Variants in MARCHF1 observed in about 807,000 individuals in gnomAD.
MARCHF1 encodes the protein E3 ubiquitin-protein ligase MARCHF1.
In MARCHF1, 40 loss-of-function variants were observed where a neutral mutation model predicts 54.2. That is an observed-to-expected ratio of 0.74 (90% CI 0.57 to 0.96). The LOEUF is 0.96. Ranked by LOEUF, MARCHF1 falls within the 40% of genes least tolerant of loss-of-function variation. The probability of loss-of-function intolerance (pLI) is 0.00; values close to 1 mark genes in which losing one functional copy is unlikely to be tolerated. For missense variants in MARCHF1, 586 were observed against 656.5 expected, an observed-to-expected ratio of 0.89 and a Z score of 1.17; for synonymous variants, 236 against 236.3, an observed-to-expected ratio of 1.00 and a Z score of 0.01.
intron 1 of MARCHF1, among the ~76,000 whole-genome samples, chr4:164,240,376 C>A (rs1732702285): frequency 6.6e-6 from 1 of 152,182 alleles, no homozygotes; most frequent in Admixed American, 6.5e-5. Context: ...TTGCTTTCTG[C>A]AATGTATATT....
At position 164,110,099 on chromosome 4, in the gene MARCHF1, T is replaced by A. The variant is rs556151217; in HGVS notation, c.-248+1489A>T. On this transcript the variant is annotated intron_variant, in intron 2 of 9. Coordinates refer to ENST00000514618, the MANE Select transcript of MARCHF1 (RefSeq NM_001394959.1). The stretch of plus-strand genomic sequence containing the variant: ...TAATGTTGTTGTTATTTGAAAATTT[T>A]AAAAAACCCATTGGAATTGGAGATA... Among the ~76,000 whole-genome samples, 8 of 136,782 alleles carry A rather than the reference T, an allele frequency of 5.8e-5. No individual in the cohort carries two copies. In the Admixed American group the frequency reaches 6.3e-4, roughly 11 times the overall value. 89.7% of individuals were successfully genotyped at this position (136,782 alleles called of 152,430 possible).
intron 1 of MARCHF1, among the ~76,000 whole-genome samples, chr4:164,184,722 T>C (rs1730923157): frequency 1.3e-5 from 2 of 152,162 alleles, no homozygotes; most frequent in South Asian, 4.1e-4. Flanking sequence ...GACCTGACCA[T>C]TTGAGATACA....
rs28798150 is a variant in MARCHF1 at position 163,574,795 on chromosome 4, C to T, written c.1191+10954G>A. Among the ~76,000 whole-genome samples, 839 of 151,906 alleles carry T rather than the reference C, an allele frequency of 5.5e-3. 11 individuals carry two copies. The highest frequency in any genetic ancestry group is 0.018 in the African/African-American group (749 of 41,404). On this transcript the variant is annotated intron_variant, in intron 8 of 9. Coordinates refer to ENST00000514618, the MANE Select transcript of MARCHF1 (RefSeq NM_001394959.1). ...TTGGCTTAGGATTGACTTGGCGATG[C>T]GGGCTCTTTTTTGGTTCCATATGAA... is the stretch of plus-strand genomic sequence containing the variant.
chr4:164,070,046 T>C (rs1754829419), intron 2 of MARCHF1, among the ~76,000 whole-genome samples: 1 of 152,138 alleles, frequency 6.6e-6, no homozygotes, highest in African/African-American at 2.4e-5. Flanking sequence ...TTCTAATTTT[T>C]AAATGGGAGC....
At chr4:164,193,585 A>T (rs1731179267) in intron 1 of MARCHF1, among the ~76,000 whole-genome samples, 1 of 152,048 alleles carries the variant, frequency 6.6e-6, no homozygotes. Context: ...AATACATTTC[A>T]TGTGTCAATG....
chr4:164,044,157 G>A (rs1221980366), intron 2 of MARCHF1, among the ~76,000 whole-genome samples: 7 of 152,118 alleles, frequency 4.6e-5, no homozygotes, highest in East Asian at 1.9e-4. Context: ...TTGCAAAGTC[G>A]CTTTCACATT....
chr4:163,914,459 T>A (rs2111344413), intron 3 of MARCHF1, among the ~76,000 whole-genome samples: 1 of 152,168 alleles, frequency 6.6e-6, no homozygotes, highest in Admixed American at 6.5e-5. Context: ...TTCAATAAAC[T>A]AGGAGCAAGT....
intron 7 of MARCHF1, among the ~76,000 whole-genome samples, chr4:163,603,215 ATAATTT>A (rs1741029525): frequency 6.6e-6 from 1 of 152,286 alleles, no homozygotes; most frequent in East Asian, 1.9e-4. Context: ...TCACTAAAAT[ATAATTT>A]TACTCAAAAA....
chr4:163,636,940 T>C lies in MARCHF1; in HGVS notation c.163-23547A>G, dbSNP rs530253729. On this transcript the variant is annotated intron_variant, in intron 5 of 9. Coordinates refer to ENST00000514618, the MANE Select transcript of MARCHF1 (RefSeq NM_001394959.1). ...AGGACAGAGCCCTCAGAAATAACGC[T>C]GCATATCTACAACTATCTGATCTTT... Among the ~76,000 whole-genome samples the C allele has an allele frequency of 7.6e-3, 1,153 of 152,118 alleles. 13 individuals are homozygous for C. Among genetic ancestry groups the C allele is most frequent in the African/African-American group, 0.027 (1,099 of 41,464 alleles).
chr4:163,808,251 A>G (rs1748282423), intron 4 of MARCHF1, among the ~76,000 whole-genome samples: 2 of 152,180 alleles, frequency 1.3e-5, no homozygotes, highest in South Asian at 4.1e-4. Context: ...GCTGTCTGGA[A>G]TGTCCGTTCT....
chr4:163,576,633 G>T (rs1020749236), intron 8 of MARCHF1, among the ~76,000 whole-genome samples: 12 of 152,090 alleles, frequency 7.9e-5, no homozygotes, highest in Admixed American at 6.5e-5. Flanking sequence ...TGTTGTCAGT[G>T]GGGTGTTGCC....
At chr4:163,993,699 C>T (rs879047116) in intron 2 of MARCHF1, among the ~76,000 whole-genome samples, 1 of 152,086 alleles carries the variant, frequency 6.6e-6, no homozygotes, top group Admixed American at 6.6e-5. Flanking sequence ...TCATCACAAA[C>T]TGAGTCTTTC....
chr4:163,839,273 T>G (rs1008035416), intron 4 of MARCHF1, among the ~76,000 whole-genome samples: 4 of 151,214 alleles, frequency 2.6e-5, no homozygotes, highest in Admixed American at 6.6e-5. Flanking sequence ...CGTGGAAATT[T>G]AAAATAGTAC....
At chr4:163,640,164 ATCTAG>A in intron 5 of MARCHF1, among the ~76,000 whole-genome samples, 1 of 152,160 alleles carries the variant, frequency 6.6e-6, no homozygotes, top group Non-Finnish European at 1.5e-5. Context: ...AAACTGTGGG[ATCTAG>A]AGTTCTCTTT....
intron 1 of MARCHF1, among the ~76,000 whole-genome samples, chr4:164,198,867 C>T (rs1731358791): frequency 6.6e-6 from 1 of 152,054 alleles, no homozygotes; most frequent in African/African-American, 2.4e-5. Context: ...AAATACATTC[C>T]CTGAAACTCT....
intron 4 of MARCHF1, among the ~76,000 whole-genome samples, chr4:163,817,997 A>T (rs1579311122): frequency 6.8e-6 from 1 of 148,052 alleles, no homozygotes; most frequent in Non-Finnish European, 1.5e-5. Flanking sequence ...GCATTAGGAG[A>T]TATACCTAAT....
intron 4 of MARCHF1, among the ~76,000 whole-genome samples, chr4:163,768,599 AT>A (rs979242045): frequency 2.8e-4 from 42 of 152,074 alleles, no homozygotes; most frequent in Admixed American, 1.3e-3. Flanking sequence ...GCAGCTTCTG[AT>A]TTTTTTTATT....
intron 1 of MARCHF1, among the ~76,000 whole-genome samples, chr4:164,201,507 A>G (rs1317066686): frequency 6.6e-6 from 1 of 152,144 alleles, no homozygotes; most frequent in East Asian, 1.9e-4. Context: ...GGTGTGAGCC[A>G]CCGTGCCCGG....
At chr4:163,723,228 A>G (rs1288434954) in intron 4 of MARCHF1, among the ~76,000 whole-genome samples, 6 of 152,148 alleles carry the variant, frequency 3.9e-5, no homozygotes, top group Non-Finnish European at 7.3e-5. Context: ...GGTGGTGACA[A>G]AATCTCTCAG....
Sources: allele counts gnomAD v4.1 joint callset (sites outside exome capture counted in the v4.1 genomes callset), GRCh38; gene constraint gnomAD v4.1.1; transcripts MANE v1.5; gene names NCBI Gene and HGNC (gene_info 2026-07-23, HGNC 2026-07-21).